NAA25: variants seen among roughly 807,000 people sequenced by gnomAD.
NAA25 encodes N-terminal acetyltransferase B complex subunit NAA25.
A neutral mutation model predicts 132.5 loss-of-function variants in NAA25; 30 were observed. That is an observed-to-expected ratio of 0.23 (90% CI 0.17 to 0.31). The LOEUF (loss-of-function observed/expected upper bound fraction) is 0.31, where lower values mean the gene tolerates loss of function less well. NAA25 is among the 10% of genes least tolerant of loss of function. The probability of loss-of-function intolerance (pLI) is 1.00; values close to 1 mark genes in which losing one functional copy is unlikely to be tolerated. For missense variants in NAA25, 771 were observed against 1,150.4 expected, an observed-to-expected ratio of 0.67 and a Z score of 4.77; for synonymous variants, 359 against 401.9, an observed-to-expected ratio of 0.89 and a Z score of 1.28.
At chr12:112,088,973 T>C (rs1312491802) in intron 3 of NAA25, among the ~76,000 whole-genome samples, 1 of 152,112 alleles carries the variant, frequency 6.6e-6, no homozygotes, top group Non-Finnish European at 1.5e-5. Flanking sequence ...TAGAGAAACA[T>C]GCCACCAATA....
In NAA25 at chr12:112,073,499, C is replaced by T. The variant is rs561018361; in HGVS notation, c.866+1176G>A. On this transcript the variant is annotated intron_variant, in intron 9 of 23. Coordinates refer to ENST00000261745, the MANE Select transcript of NAA25 (RefSeq NM_024953.4). ...TCGCCCAGGCTGGAGTGCAGTGGCA[C>T]GATCTCGGCTCACTGCAAGCTCCGC... is the stretch of plus-strand genomic sequence containing the variant. Among the ~76,000 whole-genome samples, 7 of 152,256 alleles carry T rather than the reference C, an allele frequency of 4.6e-5. No homozygotes were observed. In the South Asian group the frequency reaches 1.2e-3, roughly 27 times the overall value.
At chr12:112,053,212 A>C (rs1328756486) in intron 15 of NAA25, among the ~76,000 whole-genome samples, 2 of 152,264 alleles carry the variant, frequency 1.3e-5, no homozygotes, top group African/African-American at 4.8e-5. Context: ...GCAGGATGTT[A>C]CACGGCATCC....
At chr12:112,106,122 A>G (rs901959864) in intron 1 of NAA25, among the ~76,000 whole-genome samples, 1 of 152,228 alleles carries the variant, frequency 6.6e-6, no homozygotes, top group African/African-American at 2.4e-5. Flanking sequence ...AGTTTATACT[A>G]ATCGCCTTAG....
chr12:112,102,437 C>T (rs1860986575), intron 1 of NAA25, among the ~76,000 whole-genome samples: 1 of 151,950 alleles, frequency 6.6e-6, no homozygotes, highest in African/African-American at 2.4e-5. Flanking sequence ...TCAACAACTA[C>T]CCTCTAATCT....
intron 1 of NAA25, among the ~76,000 whole-genome samples, chr12:112,107,882 G>A (rs1183575640): frequency 1.3e-5 from 2 of 152,200 alleles, no homozygotes; most frequent in Non-Finnish European, 2.9e-5. Flanking sequence ...CAAAATCTGT[G>A]ATTTTTCACT....
At chr12:112,043,927 A>ATT in intron 17 of NAA25, 59 bp from the exon 18 acceptor site, 2 of 1,511,654 alleles carry the variant, frequency 1.3e-6, no homozygotes, top group Non-Finnish European at 1.8e-6. Flanking sequence ...CATTGCTTTC[A>ATT]ATTTTTTTTT....
intron 13 of NAA25, among the ~76,000 whole-genome samples, chr12:112,058,911 A>G (rs1462400188): frequency 2.0e-5 from 3 of 151,902 alleles, no homozygotes; most frequent in South Asian, 2.1e-4. Flanking sequence ...ACAAAAAATT[A>G]GCCAGGCATG....
At chr12:112,031,851 A>G (rs1270882162) in intron 23 of NAA25, among the ~76,000 whole-genome samples, 2 of 151,612 alleles carry the variant, frequency 1.3e-5, no homozygotes, top group African/African-American at 4.8e-5. Flanking sequence ...CTACCTGGTG[A>G]AAACCAATTA....
In NAA25 at chr12:112,075,743, A is replaced by C. The variant is rs199522945; in HGVS notation, c.711T>G (p.Ala237=). Residue 237 remains alanine (A), a synonymous_variant, in exon 8 of 24, where the codon GCT becomes GCG. Transcript: ENST00000261745. ...GCCACCTGCTCAGCTTCTTGTACAT[A>C]GCCATGCATTTATTTTCCCGACTCT... ...EIQSRENKCM[A]MYKKLSRWPE... 27 of 1,614,084 alleles carry C rather than the reference A, an allele frequency of 1.7e-5. No individual in the cohort carries two copies. In the East Asian group the frequency reaches 4.7e-4, roughly 28 times the overall value.
At chr12:112,048,178 C>A in intron 16 of NAA25, 114 bp downstream of exon 16, 3 of 1,021,194 alleles carry the variant, frequency 2.9e-6, no homozygotes, top group East Asian at 2.5e-5. Context: ...GTCTCTCTCC[C>A]TTTTTTCCCC....
In NAA25 at chr12:112,048,251, C is replaced by G. The variant is rs534265639; in HGVS notation, c.1880+41G>C. 7.6e-6 allele frequency: 12 copies of G among 1,585,994 alleles called. 1 individual carries two copies. In the Admixed American group the frequency reaches 1.9e-4, roughly 25 times the overall value. On this transcript the variant is annotated intron_variant, in intron 16 of 23. Coordinates refer to ENST00000261745, the MANE Select transcript of NAA25 (RefSeq NM_024953.4). ...CCATTAATGGCTCTTAACAACTGAT[C>G]TAATCCCTTAGTTCCTTTATAGCTC...
intron 19 of NAA25, 125 bp from the exon 20 acceptor site, chr12:112,042,229 C>A: frequency 2.7e-6 from 1 of 375,248 alleles, no homozygotes; most frequent in East Asian, 4.1e-5. Context: ...GACCCTTATG[C>A]ATTTTTCATT....
Position 112,043,699 on chromosome 12 carries a change from T to C in NAA25, c.2176A>G (p.Ile726Val). ...AGCTGTTGAAGGAGCAAACGAAGAATATCAATCCGGGAGGATACCCCATTC... is the reference window on the plus strand; with the variant it reads ...AGCTGTTGAAGGAGCAAACGAAGAACATCAATCCGGGAGGATACCCCATTC... ...AENGVSSRID[I>V]LRLLLQQLEA... is the part of the protein sequence containing the mutation. The change falls in exon 18 of 24, where the codon ATT becomes GTT. Residue 726 changes from isoleucine (I) to valine (V), a missense_variant. Physicochemically the swap from Ile to Val is conservative, Grantham distance 29. Around this residue, in one of 3 missense-constraint regions of NAA25, gnomAD observed 324 missense variants for 400.0 expected, o/e 0.81. Transcript: ENST00000261745. The C allele has an allele frequency of 6.2e-7, 1 of 1,614,204 alleles. No homozygotes were observed. The highest frequency in any genetic ancestry group is 8.5e-7 in the Non-Finnish European group (1 of 1,180,036).
chr12:112,078,081 A>G, intron 7 of NAA25, 107 bp downstream of exon 7: 1 of 730,096 alleles, frequency 1.4e-6, no homozygotes, highest in South Asian at 1.7e-5. Flanking sequence ...CAAAATGATC[A>G]AAAGTGTTTA....
chr12:112,080,138 G>A (rs1283696897), intron 5 of NAA25, among the ~76,000 whole-genome samples: 3 of 151,654 alleles, frequency 2.0e-5, no homozygotes, highest in Non-Finnish European at 2.9e-5. Context: ...AAAATTAGCC[G>A]GGCATGGTAG....
Position 112,090,837 on chromosome 12 carries a change from T to C in NAA25, c.172A>G (p.Thr58Ala), listed in dbSNP as rs1352723404. 2 of 1,612,756 alleles carry C rather than the reference T, an allele frequency of 1.2e-6. No homozygotes were observed. The highest frequency in any genetic ancestry group is 2.7e-5 in the African/African-American group (2 of 74,794). Residue 58 changes from threonine to alanine, a missense_variant, in exon 3 of 24, where the codon ACT (threonine) becomes GCT (alanine). By Grantham distance (58) the Thr-to-Ala change is moderately conservative. Transcript: ENST00000261745. ...KVLKAIGLQR[T>A]GKQEEAFTLA... is the part of the protein sequence containing the mutation. ...GTAAAGGCTTCCTCTTGCTTTCCAG[T>C]TCTCTGTAAACCAATTGCCTTTAAA...
At chr12:112,057,560 C>A (rs1593775804) in intron 13 of NAA25, among the ~76,000 whole-genome samples, 1 of 152,130 alleles carries the variant, frequency 6.6e-6, no homozygotes, top group Non-Finnish European at 1.5e-5. Context: ...AATATAGTGT[C>A]AGAAGTATTA....
rs1555238727 is a variant in NAA25, at chr12:112,086,073, T to TACAC, written c.402+1606_402+1609dup. On this transcript the variant is annotated intron_variant, in intron 4 of 23. Transcript: ENST00000261745. ...AAAAATATATATATATATATATATA[T>TACAC]ACACACACACACACACACACACACA... 3.2e-3 allele frequency among the ~76,000 whole-genome samples: 172 copies of TACAC among 53,850 alleles called. 8 individuals carry two copies. The highest frequency in any genetic ancestry group is 0.033 in the Middle Eastern group (2 of 60). The allele number at this position is 53,850 out of a possible 152,430, so 35.3% of individuals were successfully genotyped here. A position where few individuals can be genotyped will look rare whatever the true frequency, so the allele number is the denominator to read the frequency against.
intron 13 of NAA25, among the ~76,000 whole-genome samples, chr12:112,056,811 T>C (rs547713434): frequency 5.3e-5 from 8 of 152,216 alleles, no homozygotes; most frequent in Non-Finnish European, 1.2e-4. Flanking sequence ...TTGTCTGCAC[T>C]GCAGGATTTT....
Sources: allele counts gnomAD v4.1 joint callset (sites outside exome capture counted in the v4.1 genomes callset), GRCh38; gene constraint gnomAD v4.1.1; regional missense constraint gnomAD v4.1.1; transcripts MANE v1.5; gene names NCBI Gene and HGNC (gene_info 2026-07-23, HGNC 2026-07-21).